DCHS2: variants seen among roughly 807,000 people sequenced by gnomAD.
DCHS2 encodes the protein dachsous cadherin-related 2, also known as protocadherin-23.
In DCHS2, 142 loss-of-function variants were observed where a neutral mutation model predicts 182.4. That is an observed-to-expected ratio of 0.78 (90% CI 0.68 to 0.89). The LOEUF (loss-of-function observed/expected upper bound fraction) is 0.89, where lower values mean the gene tolerates loss of function less well. DCHS2 is among the 40% of genes least tolerant of loss of function. The pLI, the probability that DCHS2 is intolerant of heterozygous loss-of-function variation, is 0.00. For missense variants in DCHS2, 4,319 were observed against 4,198.6 expected (o/e 1.03, Z -0.79); for synonymous variants, 1,740 against 1,663.3 (o/e 1.05, Z -1.12).
intron 8 of DCHS2, 97 bp from the exon 9 acceptor site, chr4:154,321,319 T>A: frequency 7.9e-7 from 1 of 1,273,574 alleles, no homozygotes; most frequent in Non-Finnish European, 1.0e-6. Context: ...ATTCCTTCCA[T>A]GTATGTGATC....
intron 1 of DCHS2, among the ~76,000 whole-genome samples, chr4:154,392,468 G>A (rs1342778004): frequency 6.6e-6 from 1 of 152,180 alleles, no homozygotes; most frequent in Non-Finnish European, 1.5e-5. Context: ...GGGAGGCAAA[G>A]TGAGTAAGTT....
At chr4:154,252,924 C>T (rs777396243) in intron 16 of DCHS2, among the ~76,000 whole-genome samples, 1 of 152,058 alleles carries the variant, frequency 6.6e-6, no homozygotes, top group Non-Finnish European at 1.5e-5. Flanking sequence ...TTTCCTCGAT[C>T]AGACAAAATA....
At chr4:154,319,340 C>T (rs1233736009) in intron 9 of DCHS2, among the ~76,000 whole-genome samples, 2 of 151,696 alleles carry the variant, frequency 1.3e-5, no homozygotes, top group Admixed American at 6.6e-5. Flanking sequence ...CAAAAATAAA[C>T]AGGCGGATTA....
chr4:154,297,610 A>G (rs1306026275), intron 13 of DCHS2, among the ~76,000 whole-genome samples: 5 of 152,156 alleles, frequency 3.3e-5, no homozygotes, highest in Non-Finnish European at 7.3e-5. Flanking sequence ...TTCTAACTGA[A>G]TCTTTAATGG....
Position 154,320,937 on chromosome 4 carries a change from G to A in DCHS2, c.4462C>T (p.Leu1488Phe), listed in dbSNP as rs996107072. ...AGGAAGACTGTGCTACTCAGGGAAA[G>A]GTTTTTGCTATGGTCTGTAGTAATC... ...RVITTDHSKN[L>F]SLSSTVFLSI... The change falls in exon 9 of 20, where the codon CTT becomes TTT. Residue 1488 changes from leucine (L) to phenylalanine (F), a missense_variant. Coordinates refer to ENST00000357232, the MANE Select transcript of DCHS2 (RefSeq NM_001358235.2). The A allele has an allele frequency of 6.2e-7, 1 of 1,614,064 alleles. No individual in the cohort carries two copies. Among genetic ancestry groups the A allele is most frequent in the Non-Finnish European group, 8.5e-7 (1 of 1,180,002 alleles).
At chr4:154,334,844 G>A (rs1240004947) in intron 4 of DCHS2, 24 bp downstream of exon 4, 5 of 1,522,604 alleles carry the variant, frequency 3.3e-6, no homozygotes, top group Non-Finnish European at 4.6e-6. Context: ...GGAATTCCAT[G>A]CAGCATAAGA....
chr4:154,389,974 AT>A (rs2110844361), intron 1 of DCHS2, among the ~76,000 whole-genome samples: 1 of 152,272 alleles, frequency 6.6e-6, no homozygotes, highest in East Asian at 1.9e-4. Context: ...TGGCATAAAA[AT>A]TAGGTTGCTG....
chr4:154,417,268 G>A (rs1732902369), intron 1 of DCHS2, among the ~76,000 whole-genome samples: 1 of 143,148 alleles, frequency 7.0e-6, no homozygotes, highest in South Asian at 2.4e-4. Flanking sequence ...CAGGGGAACT[G>A]GGAGTCATTC....
chr4:154,476,442 G>C (rs1735684405), intron 1 of DCHS2, among the ~76,000 whole-genome samples: 1 of 152,206 alleles, frequency 6.6e-6, no homozygotes, highest in Non-Finnish European at 1.5e-5. Flanking sequence ...TTGTCTTACT[G>C]TTGTGTAATG....
chr4:154,432,673 G>A (rs536520494), intron 1 of DCHS2, among the ~76,000 whole-genome samples: 11 of 152,058 alleles, frequency 7.2e-5, no homozygotes, highest in Admixed American at 6.5e-4. Flanking sequence ...GAAAAAGACA[G>A]AAAATCTCAA....
intron 12 of DCHS2, among the ~76,000 whole-genome samples, chr4:154,302,186 A>G (rs1163736303): frequency 6.6e-6 from 1 of 152,232 alleles, no homozygotes; most frequent in East Asian, 1.9e-4. Flanking sequence ...AAAACATATA[A>G]CTGAAAATGC....
chr4:154,427,983 A>G (rs868326751), intron 1 of DCHS2, among the ~76,000 whole-genome samples: 7 of 152,376 alleles, frequency 4.6e-5, no homozygotes, highest in Middle Eastern at 3.4e-3. Context: ...AGAGAAGTGC[A>G]TATGAAGGCA....
At chr4:154,450,324 G>A (rs1303161932) in intron 1 of DCHS2, among the ~76,000 whole-genome samples, 1 of 152,204 alleles carries the variant, frequency 6.6e-6, no homozygotes, top group Non-Finnish European at 1.5e-5. Flanking sequence ...AGTACTGGAG[G>A]GAGTTTCAGG....
In DCHS2 at chr4:154,290,023, T is replaced by C. The variant is rs1056423994; in HGVS notation, c.6463+7828A>G. ...AAATTATTCTTGTTTGCAGATGATATGATCTTATATTTGGAAAAACCTAAA... is the reference window on the plus strand; with the variant it reads ...AAATTATTCTTGTTTGCAGATGATACGATCTTATATTTGGAAAAACCTAAA... On this transcript the variant is annotated intron_variant, in intron 13 of 19. Transcript: ENST00000357232. 2.6e-5 allele frequency among the ~76,000 whole-genome samples: 4 copies of C among 152,120 alleles called. No homozygotes were observed. In the East Asian group the frequency reaches 7.7e-4, roughly 29 times the overall value.
intron 16 of DCHS2, among the ~76,000 whole-genome samples, chr4:154,249,468 T>C (rs776155286): frequency 6.6e-6 from 1 of 152,158 alleles, no homozygotes; most frequent in Non-Finnish European, 1.5e-5. Context: ...TAATACATTG[T>C]TGGGAATGTA....
intron 13 of DCHS2, among the ~76,000 whole-genome samples, 188 bp downstream of exon 13, chr4:154,297,663 G>A (rs1734986795): frequency 6.6e-6 from 1 of 152,150 alleles, no homozygotes; most frequent in South Asian, 2.1e-4. Flanking sequence ...GGTCCTCACT[G>A]TCTTCTGCCC....
chr4:154,438,682 G>C (rs1457978799), intron 1 of DCHS2, among the ~76,000 whole-genome samples: 1 of 152,126 alleles, frequency 6.6e-6, no homozygotes, highest in Non-Finnish European at 1.5e-5. Context: ...AAATTTAATA[G>C]TTCTCTTTCC....
rs1256031282 is a variant in DCHS2 at position 154,236,220 on chromosome 4, G to A, written c.8432C>T (p.Pro2811Leu). The A allele has an allele frequency of 4.3e-6, 7 of 1,613,848 alleles. No individual in the cohort carries two copies. Among genetic ancestry groups the A allele is most frequent in the Admixed American group, 3.3e-5 (2 of 60,004 alleles). Residue 2811 changes from proline to leucine, a missense_variant, in exon 20 of 20, where the codon CCC becomes CTC. Transcript: ENST00000357232. Reference sequence around the variant, plus strand: ...AGACATTCCATGAGTGAGAAAACAGGGTGATACAATAGAATAGGTCAATTC... The same window carrying A: ...AGACATTCCATGAGTGAGAAAACAGAGTGATACAATAGAATAGGTCAATTC... ...YGELTYSIVS[P>L]CFLTHGMSYD... is the part of the protein sequence containing the mutation.
At chr4:154,461,586 A>G (rs1169349672) in intron 1 of DCHS2, among the ~76,000 whole-genome samples, 1 of 152,232 alleles carries the variant, frequency 6.6e-6, no homozygotes, top group Admixed American at 6.5e-5. Flanking sequence ...ATGACAGATC[A>G]TAACTTAGAA....
Sources: gnomAD v4.1 joint callset for allele counts (sites outside exome capture counted in the v4.1 genomes callset) on GRCh38, gnomAD v4.1.1 for gene constraint, MANE v1.5 for transcripts, NCBI Gene and HGNC (gene_info 2026-07-23, HGNC 2026-07-21) for gene names.